Variants in PIGB observed in about 807,000 individuals in gnomAD.
PIGB encodes GPI alpha-1,2-mannosyltransferase 3.
PIGB carries 58 observed loss-of-function variants against 68.4 expected under a neutral mutation model. That is an observed-to-expected ratio of 0.85 (90% CI 0.69 to 1.06). The LOEUF (loss-of-function observed/expected upper bound fraction) is 1.06, where lower values mean the gene tolerates loss of function less well. PIGB is among the 50% of genes least tolerant of loss of function. The pLI, the probability that PIGB is intolerant of heterozygous loss-of-function variation, is 0.00. For missense variants in PIGB, 634 were observed against 655.8 expected, an observed-to-expected ratio of 0.97 and a Z score of 0.36; for synonymous variants, 219 against 220.5, an observed-to-expected ratio of 0.99 and a Z score of 0.06.
chr15:55,348,885 A>C (rs1411545231), intron 9 of PIGB, among the ~76,000 whole-genome samples: 3 of 152,218 alleles, frequency 2.0e-5, no homozygotes, highest in Non-Finnish European at 2.9e-5. Flanking sequence ...GCTTCAACTT[A>C]TATTTGGGGA....
chr15:55,329,650 C>T (rs1033425322), intron 4 of PIGB, 74 bp from the exon 5 acceptor site: 51 of 1,144,422 alleles, frequency 4.5e-5, no homozygotes, highest in Middle Eastern at 4.1e-4. Context: ...GACTTGCTTG[C>T]TATTTAGAAG....
At position 55,327,521 on chromosome 15, in the gene PIGB, A is replaced by T; in HGVS notation, c.418-10A>T. 1 of 1,560,198 alleles carries T rather than the reference A, an allele frequency of 6.4e-7. No homozygotes were observed. Among genetic ancestry groups the T allele is most frequent in the South Asian group, 1.1e-5 (1 of 87,182 alleles). On this transcript the variant is annotated splice_polypyrimidine_tract_variant and intron_variant, in intron 3 of 11. Coordinates refer to ENST00000164305, the MANE Select transcript of PIGB (RefSeq NM_004855.5). ...TTTTAACATCCTGTTCTTCTTTTTA[A>T]CTGATGAAGATTTGGATTCCTAGAC...
Position 55,340,723 on chromosome 15 carries a change from T to G in PIGB, c.958T>G (p.Leu320Val). 6.2e-7 allele frequency: 1 copy of G among 1,611,150 alleles called. No homozygotes were observed. The highest frequency in any genetic ancestry group is 2.2e-5 in the East Asian group (1 of 44,840). ...CTTCAGTCAAGGATTTCCAGTTATC[T>G]TGGGTACTCACTTACCCTTCTTTAT... is the stretch of plus-strand genomic sequence containing the variant. ...WYFSQGFPVI[L>V]GTHLPFFIHG... Residue 320 changes from leucine (L) to valine (V), a missense_variant, in exon 8 of 12, where the codon TTG becomes GTG. Transcript: ENST00000164305.
intron 9 of PIGB, among the ~76,000 whole-genome samples, chr15:55,342,552 C>A (rs530200474): frequency 6.6e-5 from 10 of 152,278 alleles, no homozygotes; most frequent in African/African-American, 1.4e-4. Context: ...CCACCATACC[C>A]GGCTAATTTT....
At chr15:55,350,562 G>T in intron 9 of PIGB, 137 bp from the exon 10 acceptor site, 1 of 662,750 alleles carries the variant, frequency 1.5e-6, no homozygotes, top group South Asian at 1.8e-5. Flanking sequence ...TCAGAGATAT[G>T]ACTTATTGCT....
At chr15:55,321,775 C>T (rs2055172711) in intron 3 of PIGB, among the ~76,000 whole-genome samples, 1 of 149,066 alleles carries the variant, frequency 6.7e-6, no homozygotes, top group Non-Finnish European at 1.5e-5. Context: ...GCCTCAGCCT[C>T]CCGAGTAGCT....
At chr15:55,354,735 T>A in intron 10 of PIGB, 63 bp from the exon 11 acceptor site, 1 of 1,307,322 alleles carries the variant, frequency 7.6e-7, no homozygotes, top group Non-Finnish European at 1.1e-6. Context: ...ATGACATATC[T>A]TAAGACTAAT....
chr15:55,348,874 T>A (rs576142012), intron 9 of PIGB, among the ~76,000 whole-genome samples: 1 of 152,230 alleles, frequency 6.6e-6, no homozygotes, highest in African/African-American at 2.4e-5. Flanking sequence ...CTAAGTTAAG[T>A]GCTTCAACTT....
intron 10 of PIGB, among the ~76,000 whole-genome samples, chr15:55,353,880 C>T (rs181128795): frequency 6.6e-6 from 1 of 152,092 alleles, no homozygotes; most frequent in Admixed American, 6.6e-5. Flanking sequence ...TCTGGGATTA[C>T]AGGCATAAGC....
intron 9 of PIGB, chr15:55,346,244 T>C (rs1295139647): frequency 6.6e-6 from 1 of 152,226 alleles, no homozygotes; most frequent in Admixed American, 6.5e-5. Context: ...TGAAGTATCT[T>C]CTTATATGCT....
intron 6 of PIGB, among the ~76,000 whole-genome samples, chr15:55,336,497 A>C (rs1355261192): frequency 6.6e-6 from 1 of 152,266 alleles, no homozygotes; most frequent in African/African-American, 2.4e-5. Flanking sequence ...CAGAACGCTT[A>C]CATTAGCCTA....
chr15:55,350,666 G>T (rs1286536482), intron 9 of PIGB, 33 bp from the exon 10 acceptor site: 1 of 1,339,592 alleles, frequency 7.5e-7, no homozygotes, highest in South Asian at 1.2e-5. Flanking sequence ...AAGATTGTCA[G>T]TGTTAAGGTT....
intron 9 of PIGB, chr15:55,349,456 G>A (rs1019045342): frequency 6.6e-6 from 1 of 152,186 alleles, no homozygotes; most frequent in African/African-American, 2.4e-5. Context: ...AATAAAGCTA[G>A]TTCTAATTAT....
chr15:55,319,398 G>C lies in PIGB; in HGVS notation c.148G>C (p.Ala50Pro). The change falls in exon 1 of 12, where the codon GCC becomes CCC. Residue 50 changes from alanine to proline, a missense_variant. Coordinates refer to ENST00000164305, the MANE Select transcript of PIGB (RefSeq NM_004855.5). ...TLYFNTQEKS[A>P]RRRGDLLGEN... ...GTACTTCAACACCCAGGAGAAGAGCGCCAGGCGCCGCGGGGGTGAGTGAGG... is the reference window on the plus strand; with the variant it reads ...GTACTTCAACACCCAGGAGAAGAGCCCCAGGCGCCGCGGGGGTGAGTGAGG... 6.4e-7 allele frequency: 1 copy of C among 1,552,050 alleles called. No homozygotes were observed. The highest frequency in any genetic ancestry group is 8.7e-7 in the Non-Finnish European group (1 of 1,147,128).
intron 9 of PIGB, among the ~76,000 whole-genome samples, chr15:55,342,701 G>A (rs1017161650): frequency 6.6e-6 from 1 of 152,160 alleles, no homozygotes; most frequent in Non-Finnish European, 1.5e-5. Flanking sequence ...CCTGGCATAT[G>A]CCATTTTTTA....
intron 5 of PIGB, among the ~76,000 whole-genome samples, chr15:55,332,876 T>C (rs2055449971): frequency 6.6e-6 from 1 of 152,238 alleles, no homozygotes; most frequent in African/African-American, 2.4e-5. Flanking sequence ...AAAATCTGTA[T>C]TTCTATCCAT....
At position 55,333,901 on chromosome 15, in the gene PIGB, A is replaced by C. The variant is rs1394268996; in HGVS notation, c.688A>C (p.Ile230Leu). The C allele has an allele frequency of 5.6e-6, 9 of 1,607,428 alleles. No homozygotes were observed. The highest frequency in any genetic ancestry group is 7.6e-6 in the Non-Finnish European group (9 of 1,177,310). ...KYSSLVALAF[I>L]IRPTAVILWT... is the part of the protein sequence containing the mutation. ...CTCATCCCTGGTGGCACTTGCCTTC[A>C]TAATTCGTCCCACAGCTGTCATTCT... The change falls in exon 6 of 12, where the codon ATA becomes CTA. Residue 230 changes from isoleucine (I) to leucine (L), a missense_variant. Ile to Leu is a conservative substitution (Grantham distance 5). Transcript: ENST00000164305.
intron 10 of PIGB, chr15:55,351,751 A>G (rs2055926571): frequency 6.7e-6 from 1 of 149,392 alleles, no homozygotes; most frequent in Non-Finnish European, 1.5e-5. Context: ...AGGTGCCTGT[A>G]GTTCCAGCTA....
intron 5 of PIGB, among the ~76,000 whole-genome samples, chr15:55,332,869 A>G (rs543014890): frequency 6.6e-6 from 1 of 152,298 alleles, no homozygotes; most frequent in Admixed American, 6.5e-5. Context: ...GTTAATAAAA[A>G]TCTGTATTTC....
Sources: gnomAD v4.1 joint callset for allele counts (sites outside exome capture counted in the v4.1 genomes callset) on GRCh38, gnomAD v4.1.1 for gene constraint, MANE v1.5 for transcripts, NCBI Gene and HGNC (gene_info 2026-07-23, HGNC 2026-07-21) for gene names.